Variants in MYO6 observed in about 807,000 individuals in gnomAD.
MYO6 encodes the protein myosin VI.
MYO6 carries 74 observed loss-of-function variants against 178.7 expected under a neutral mutation model. The ratio of observed to expected loss-of-function variants is 0.41; its 90% CI spans 0.34 to 0.50. The LOEUF (loss-of-function observed/expected upper bound fraction) is 0.50. Among genes scored for constraint, MYO6 ranks in the 20% least tolerant of loss-of-function variants. MYO6 has a pLI of 0.09. For missense variants in MYO6, 1,330 were observed against 1,547.4 expected (o/e 0.86, Z 2.36); for synonymous variants, 477 against 504.6 (o/e 0.95, Z 0.73).
chr6:75,871,519 G>T (rs890650927), intron 19 of MYO6, among the ~76,000 whole-genome samples: 5 of 152,152 alleles, frequency 3.3e-5, no homozygotes, highest in African/African-American at 4.8e-5. Context: ...CAAAGTGCTG[G>T]CATTTCAGGC....
chr6:75,907,769 A>G, intron 31 of MYO6, 61 bp downstream of exon 31: 1 of 1,291,496 alleles, frequency 7.7e-7, no homozygotes, highest in Non-Finnish European at 1.1e-6. Flanking sequence ...ATAAATACCT[A>G]GATTAGGGTG....
chr6:75,780,363 A>G (rs1766841273), intron 1 of MYO6, among the ~76,000 whole-genome samples: 1 of 152,158 alleles, frequency 6.6e-6, no homozygotes, highest in South Asian at 2.1e-4. Context: ...AATCACTGTA[A>G]CCCAGGAGGC....
intron 7 of MYO6, among the ~76,000 whole-genome samples, chr6:75,838,436 G>A (rs963025009): frequency 6.6e-6 from 1 of 152,110 alleles, no homozygotes; most frequent in African/African-American, 2.4e-5. Context: ...TAGAAGTTTA[G>A]TTGCTGGTTT....
At chr6:75,755,857 A>G (rs1380092625) in intron 1 of MYO6, among the ~76,000 whole-genome samples, 1 of 152,214 alleles carries the variant, frequency 6.6e-6, no homozygotes, top group Non-Finnish European at 1.5e-5. Context: ...AATTAAGTTA[A>G]TTATAGACTC....
At chr6:75,897,099 A>G (rs1779364746) in intron 29 of MYO6, among the ~76,000 whole-genome samples, 1 of 152,218 alleles carries the variant, frequency 6.6e-6, no homozygotes, top group South Asian at 2.1e-4. Flanking sequence ...CAACAGACCC[A>G]GTGGTAATGA....
intron 1 of MYO6, among the ~76,000 whole-genome samples, chr6:75,767,339 T>C (rs1340448607): frequency 1.3e-5 from 2 of 152,038 alleles, no homozygotes; most frequent in African/African-American, 2.4e-5. Context: ...AATTTATTCT[T>C]GAGTGTTGCA....
intron 23 of MYO6, among the ~76,000 whole-genome samples, chr6:75,885,691 C>T (rs1275940930): frequency 1.3e-5 from 2 of 152,086 alleles, no homozygotes; most frequent in Non-Finnish European, 2.9e-5. Context: ...TACGATCCGC[C>T]CGCCTTGGCC....
At chr6:75,898,797 C>T (rs1779510568) in intron 30 of MYO6, among the ~76,000 whole-genome samples, 1 of 152,050 alleles carries the variant, frequency 6.6e-6, no homozygotes, top group Non-Finnish European at 1.5e-5. Flanking sequence ...CACTGTGCGT[C>T]GTTGAAGAGG....
chr6:75,832,754 T>C (rs760763107), intron 5 of MYO6, 88 bp from the exon 6 acceptor site: 3 of 762,448 alleles, frequency 3.9e-6, no homozygotes, highest in Non-Finnish European at 6.9e-6. Flanking sequence ...ATGATTTCTT[T>C]AAGAGTAAGT....
At chr6:75,836,492 A>G (rs978192232) in intron 7 of MYO6, among the ~76,000 whole-genome samples, 2 of 152,160 alleles carry the variant, frequency 1.3e-5, no homozygotes, top group Non-Finnish European at 2.9e-5. Context: ...CTCCTGCATC[A>G]TAGACTCCTG....
At chr6:75,870,093 G>T (rs1472068945) in intron 18 of MYO6, among the ~76,000 whole-genome samples, 1 of 151,364 alleles carries the variant, frequency 6.6e-6, no homozygotes, top group Non-Finnish European at 1.5e-5. Flanking sequence ...TAGCCTGGGC[G>T]ACAGAGCAAG....
intron 3 of MYO6, among the ~76,000 whole-genome samples, chr6:75,826,659 C>T (rs1469293197): frequency 1.3e-5 from 2 of 152,100 alleles, no homozygotes; most frequent in East Asian, 3.9e-4. Context: ...TGACCTCATA[C>T]CCAAACCAGA....
intron 1 of MYO6, among the ~76,000 whole-genome samples, chr6:75,790,998 A>G (rs12198817): frequency 2.4e-4 from 36 of 152,124 alleles, no homozygotes; most frequent in African/African-American, 5.8e-4. Context: ...CAGTGGGTCA[A>G]TGTCGGCTCA....
In MYO6 at chr6:75,830,322, A is replaced by T. The variant is rs1772951220; in HGVS notation, c.262-94A>T. On this transcript the variant is annotated intron_variant, in intron 4 of 34. Transcript: ENST00000369977. ...GGAGTCTTAGTTATATAGATAATTG[A>T]AATTTTTTGTATTTTATTTTTTCTA... 1.2e-5 allele frequency: 15 copies of T among 1,222,710 alleles called. No homozygotes were observed. The East Asian group carries it at 3.5e-4, about 28-fold the overall frequency. 75.7% of individuals were successfully genotyped at this position (1,222,710 alleles called of 1,614,324 possible). A position where few individuals can be genotyped will look rare whatever the true frequency, so the allele number is the denominator to read the frequency against.
chr6:75,873,619 T>C (rs924549439), intron 20 of MYO6, among the ~76,000 whole-genome samples: 7 of 152,144 alleles, frequency 4.6e-5, no homozygotes, highest in Admixed American at 2.6e-4. Context: ...TTGAGCAATA[T>C]TGAGATGTTG....
At chr6:75,800,926 G>C (rs1351840640) in intron 1 of MYO6, among the ~76,000 whole-genome samples, 1 of 152,106 alleles carries the variant, frequency 6.6e-6, no homozygotes, top group African/African-American at 2.4e-5. Context: ...TCCCCATGTT[G>C]GCCAGGCTGG....
chr6:75,914,585 T>TG (rs1294127969), intron 34 of MYO6, among the ~76,000 whole-genome samples: 2 of 152,214 alleles, frequency 1.3e-5, no homozygotes, highest in Non-Finnish European at 2.9e-5. Flanking sequence ...TTATTAACTC[T>TG]GGTAACTTGT....
intron 1 of MYO6, among the ~76,000 whole-genome samples, chr6:75,780,167 G>T (rs1015966001): frequency 6.6e-6 from 1 of 152,152 alleles, no homozygotes; most frequent in East Asian, 1.9e-4. Context: ...GTGGCCAGGC[G>T]CAGTGGCTCA....
intron 13 of MYO6, among the ~76,000 whole-genome samples, chr6:75,858,109 AAC>A (rs1775881120): frequency 3.3e-5 from 5 of 152,046 alleles, no homozygotes; most frequent in Admixed American, 2.6e-4. Flanking sequence ...GTTTTAGCAT[AAC>A]ACATACAAAG....
Sources: gnomAD v4.1 joint callset for allele counts (sites outside exome capture counted in the v4.1 genomes callset) on GRCh38, gnomAD v4.1.1 for gene constraint, MANE v1.5 for transcripts, NCBI Gene and HGNC (gene_info 2026-07-23, HGNC 2026-07-21) for gene names.